The following FBXL7 variants were observed in gnomAD, a reference collection of about 807,000 sequenced individuals.
FBXL7 encodes the protein F-box/LRR-repeat protein 7.
In FBXL7, 12 loss-of-function variants were observed where a neutral mutation model predicts 38.3. The ratio of observed to expected loss-of-function variants is 0.31; its 90% CI spans 0.20 to 0.51. The LOEUF is 0.51. Ranked by LOEUF, FBXL7 falls within the 20% of genes least tolerant of loss-of-function variation. FBXL7 has a pLI of 0.98. For synonymous variants in FBXL7, 297 were observed against 300.9 expected (o/e 0.99, Z 0.13); for missense variants, 567 against 676.4 (o/e 0.84, Z 1.79).
chr5:15,905,119 C>T (rs745505663), intron 2 of FBXL7, among the ~76,000 whole-genome samples: 26 of 152,150 alleles, frequency 1.7e-4, no homozygotes, highest in Non-Finnish European at 3.2e-4. Flanking sequence ...CCAAAAGAGC[C>T]AACTTGGCCA....
At chr5:15,898,357 T>C (rs928787976) in intron 2 of FBXL7, among the ~76,000 whole-genome samples, 6 of 152,106 alleles carry the variant, frequency 3.9e-5, no homozygotes, top group African/African-American at 1.4e-4. Flanking sequence ...GCCTAAGCAA[T>C]GGTCACCAAA....
chr5:15,558,026 G>T (rs371203102), intron 1 of FBXL7, among the ~76,000 whole-genome samples: 1 of 152,182 alleles, frequency 6.6e-6, no homozygotes, highest in South Asian at 2.1e-4. Flanking sequence ...ATTGGTTTAC[G>T]GATATAGAGC....
Position 15,938,917 on chromosome 5 carries a change from G to A in FBXL7, c.*1731G>A, listed in dbSNP as rs188882608. 124 of 398,764 alleles carry A rather than the reference G, an allele frequency of 3.1e-4. 1 individual carries two copies. The highest frequency in any genetic ancestry group is 3.8e-4 in the Non-Finnish European group (86 of 225,960). The allele number at this position is 398,764 out of a possible 1,614,324, so 24.7% of individuals were successfully genotyped here. On this transcript the variant is annotated 3_prime_UTR_variant, in exon 4 of 4. Transcript: ENST00000504595. ...TCTAGCCAAGCCCCACCTTTGTTAC[G>A]TTGAAATCCCTCATTTATTTTCTTC... is the stretch of plus-strand genomic sequence containing the variant.
At chr5:15,658,485 A>G (rs1048229054) in intron 2 of FBXL7, among the ~76,000 whole-genome samples, 6 of 152,148 alleles carry the variant, frequency 3.9e-5, no homozygotes, top group African/African-American at 1.2e-4. Context: ...TGATGGTTTT[A>G]TAAGGGGCTT....
intron 2 of FBXL7, among the ~76,000 whole-genome samples, chr5:15,671,702 CA>C (rs1742482934): frequency 6.6e-6 from 1 of 152,154 alleles, no homozygotes; most frequent in Admixed American, 6.5e-5. Context: ...ATAGGTGTAA[CA>C]AAGTCAAACA....
intron 1 of FBXL7, among the ~76,000 whole-genome samples, chr5:15,584,214 T>C (rs1388392449): frequency 3.3e-5 from 5 of 152,190 alleles, no homozygotes; most frequent in African/African-American, 4.8e-5. Context: ...TGGGAGGGAC[T>C]GCGGTGAAAG....
chr5:15,766,178 C>T (rs567469174), intron 2 of FBXL7, among the ~76,000 whole-genome samples: 123 of 152,302 alleles, frequency 8.1e-4, no homozygotes, highest in African/African-American at 2.9e-3. Context: ...TCCTCCCATT[C>T]CCCAAATACG....
chr5:15,759,342 C>T (rs1439224730), intron 2 of FBXL7, among the ~76,000 whole-genome samples: 1 of 152,056 alleles, frequency 6.6e-6, no homozygotes, highest in African/African-American at 2.4e-5. Context: ...AAACTTTCCT[C>T]ACTTTTTTTT....
intron 2 of FBXL7, among the ~76,000 whole-genome samples, chr5:15,920,434 T>C (rs999430550): frequency 1.3e-5 from 2 of 152,188 alleles, no homozygotes; most frequent in Non-Finnish European, 1.5e-5. Context: ...TACTGAATTT[T>C]AATGCCAAAT....
At chr5:15,804,468 C>T (rs1737653225) in intron 2 of FBXL7, among the ~76,000 whole-genome samples, 1 of 152,002 alleles carries the variant, frequency 6.6e-6, no homozygotes, top group Non-Finnish European at 1.5e-5. Flanking sequence ...GACCTTGTCT[C>T]TAAAATAAAT....
intron 2 of FBXL7, among the ~76,000 whole-genome samples, chr5:15,773,602 C>A (rs948933121): frequency 1.3e-5 from 2 of 152,056 alleles, no homozygotes; most frequent in Non-Finnish European, 2.9e-5. Context: ...TGATTCGTGA[C>A]TGTGCCACTG....
chr5:15,516,026 T>A (rs933115741), intron 1 of FBXL7, among the ~76,000 whole-genome samples: 2 of 152,186 alleles, frequency 1.3e-5, no homozygotes, highest in South Asian at 4.1e-4. Context: ...AGCTACTACT[T>A]TAGAAAACAT....
At chr5:15,505,003 G>A (rs773335663) in intron 1 of FBXL7, among the ~76,000 whole-genome samples, 34 of 152,140 alleles carry the variant, frequency 2.2e-4, no homozygotes, top group Non-Finnish European at 4.1e-4. Flanking sequence ...GGGAAAGGGC[G>A]AGATCCTTGG....
In FBXL7 at chr5:15,533,657, C is replaced by T. The variant is rs559826541; in HGVS notation, c.37+32944C>T. On this transcript the variant is annotated intron_variant, in intron 1 of 3. Coordinates refer to ENST00000504595, the MANE Select transcript of FBXL7 (RefSeq NM_012304.5). ...AATGAGGGATCCCAGTTCCTGCGGG[C>T]TCTGCTTTTCCTCCCTGTGCCAGTA... is the stretch of plus-strand genomic sequence containing the variant. Among the ~76,000 whole-genome samples, 11 of 152,266 alleles carry T rather than the reference C, an allele frequency of 7.2e-5. No individual in the cohort carries two copies. In the Middle Eastern group the frequency reaches 0.01, roughly 141 times the overall value.
chr5:15,583,672 C>T (rs1182007120), intron 1 of FBXL7, among the ~76,000 whole-genome samples: 1 of 152,202 alleles, frequency 6.6e-6, no homozygotes, highest in East Asian at 1.9e-4. Flanking sequence ...GGTGGGCTCC[C>T]ACGGCCTTGG....
intron 2 of FBXL7, among the ~76,000 whole-genome samples, chr5:15,730,998 C>T (rs1035812486): frequency 1.3e-5 from 2 of 152,116 alleles, no homozygotes; most frequent in African/African-American, 4.8e-5. Flanking sequence ...TTGCTAAGCT[C>T]TCTTATTACT....
chr5:15,915,134 C>T (rs1362049442), intron 2 of FBXL7, among the ~76,000 whole-genome samples: 3 of 152,160 alleles, frequency 2.0e-5, no homozygotes, highest in Non-Finnish European at 1.5e-5. Context: ...GGAAGAATCT[C>T]ATACATACTC....
chr5:15,921,818 A>T (rs1033502459), intron 2 of FBXL7, among the ~76,000 whole-genome samples: 3 of 152,214 alleles, frequency 2.0e-5, no homozygotes, highest in Non-Finnish European at 2.9e-5. Context: ...GTGTTAGGAG[A>T]TCTGTTATCA....
chr5:15,720,419 G>C (rs952436227), intron 2 of FBXL7, among the ~76,000 whole-genome samples: 5 of 148,202 alleles, frequency 3.4e-5, no homozygotes, highest in African/African-American at 9.8e-5. Context: ...AAATTACTTG[G>C]CTTTTCTCCA....
Sources: gnomAD v4.1 joint callset for allele counts (sites outside exome capture counted in the v4.1 genomes callset) on GRCh38, gnomAD v4.1.1 for gene constraint, MANE v1.5 for transcripts, NCBI Gene and HGNC (gene_info 2026-07-23, HGNC 2026-07-21) for gene names.